The following LYST variants were observed in gnomAD, a reference collection of about 807,000 sequenced individuals.
The protein encoded by LYST is lysosomal trafficking regulator.
In LYST, 192 loss-of-function variants were observed where a neutral mutation model predicts 413.6. The observed-to-expected ratio is 0.46, with a 90% CI of 0.41 to 0.52. LYST has a LOEUF of 0.52. LYST is among the 20% of genes least tolerant of loss of function. The pLI is 0.00. For synonymous variants in LYST, 1,525 were observed against 1,567.3 expected, an observed-to-expected ratio of 0.97 and a Z score of 0.64; for missense variants, 3,815 against 4,499.9, an observed-to-expected ratio of 0.85 and a Z score of 4.35.
Position 235,809,414 on chromosome 1 carries a change from A to G in LYST, c.1404T>C (p.His468=). ...RDGVPPEASE[H]LKALINSVMK... is the part of the protein sequence containing the mutation. The stretch of plus-strand genomic sequence containing the variant: ...TCACACTATTTATTAGGGCTTTCAA[A>G]TGCTCTGAGGCCTCGGGAGGAACTC... Residue 468 remains histidine, a synonymous_variant, in exon 5 of 53, where the codon CAT becomes CAC. Transcript: ENST00000389793. This position sits in a 1 kb window ranked among gnomAD's most constrained non-coding sequence, Gnocchi z 4.0. 6.2e-7 allele frequency: 1 copy of G among 1,614,038 alleles called. No individual in the cohort carries two copies. The highest frequency in any genetic ancestry group is 1.1e-5 in the South Asian group (1 of 91,082).
intron 16 of LYST, among the ~76,000 whole-genome samples, chr1:235,777,709 A>G (rs922856791): frequency 6.6e-6 from 1 of 152,086 alleles, no homozygotes; most frequent in African/African-American, 2.4e-5. Flanking sequence ...TTTGCTTTGC[A>G]TTTGCTCATT....
intron 1 of LYST, among the ~76,000 whole-genome samples, chr1:235,845,430 G>A (rs187733831): frequency 6.6e-6 from 1 of 152,184 alleles, no homozygotes; most frequent in African/African-American, 2.4e-5. Context: ...ACCCCACAGG[G>A]AAAGGAATTC....
chr1:235,802,731 T>C (rs936378009), intron 8 of LYST, among the ~76,000 whole-genome samples, 177 bp downstream of exon 8: 54 of 152,384 alleles, frequency 3.5e-4, no homozygotes, highest in African/African-American at 1.2e-3. Context: ...ACAAACTATA[T>C]CACATTGTTG....
At chr1:235,751,561 C>A (rs1572147595) in intron 27 of LYST, among the ~76,000 whole-genome samples, 199 bp from the exon 28 acceptor site, 1 of 152,076 alleles carries the variant, frequency 6.6e-6, no homozygotes, top group African/African-American at 2.4e-5. Flanking sequence ...CACTAAAAAA[C>A]CTTCAATGGA....
rs774432086 is a variant in LYST, at chr1:235,805,798, C to A, written c.3338G>T (p.Cys1113Phe). The change falls in exon 6 of 53, where the codon TGT (cysteine) becomes TTT (phenylalanine). Residue 1113 changes from cysteine (C) to phenylalanine (F), a missense_variant. Cys to Phe is a radical substitution (Grantham distance 205). Around this residue, in one of 4 missense-constraint regions of LYST, gnomAD observed 1,648 missense variants for 1,810.3 expected, o/e 0.91. Transcript: ENST00000389793. ...IRLLEALLAICLHGARTSQQK... is the reference protein window; with the variant it reads ...IRLLEALLAIFLHGARTSQQK... ...TTGACTAGTTCTGGCACCATGAAGA[C>A]AAATGGCCAGAAGGGCTTCCAAAAG... The A allele has an allele frequency of 6.2e-7, 1 of 1,613,542 alleles. No individual in the cohort carries two copies. The highest frequency in any genetic ancestry group is 8.5e-7 in the Non-Finnish European group (1 of 1,179,814).
At chr1:235,747,356 A>G (rs573579777) in intron 28 of LYST, 4 of 367,562 alleles carry the variant, frequency 1.1e-5, no homozygotes, top group East Asian at 7.5e-5. Context: ...ATGAAAACAT[A>G]TATCAATTTC....
At position 235,854,647 on chromosome 1, in the gene LYST, G is replaced by A. The variant is rs982587800; in HGVS notation, c.-98+12196C>T. On this transcript the variant is annotated intron_variant, in intron 1 of 52. Transcript: ENST00000389793. This position sits in a 1 kb window ranked among gnomAD's most constrained non-coding sequence, Gnocchi z 4.1. Reference sequence around the variant, plus strand: ...TCATAAGAGTAGCTGTAGTTGTTGCGAATATCAACATTAAACGAGATAATT... The same window carrying A: ...TCATAAGAGTAGCTGTAGTTGTTGCAAATATCAACATTAAACGAGATAATT... 3.3e-5 allele frequency among the ~76,000 whole-genome samples: 5 copies of A among 152,070 alleles called. No homozygotes were observed. Among genetic ancestry groups the A allele is most frequent in the Admixed American group, 3.3e-4 (5 of 15,264 alleles).
chr1:235,697,036 C>T (rs993355287), intron 46 of LYST, 47 bp downstream of exon 46: 26 of 1,567,066 alleles, frequency 1.7e-5, no homozygotes, highest in Non-Finnish European at 2.2e-5. Context: ...ATACTCAAAT[C>T]TCACGAAAGA....
At chr1:235,697,051 T>A (rs750720378) in intron 46 of LYST, 32 bp downstream of exon 46, 8 of 1,590,560 alleles carry the variant, frequency 5.0e-6, no homozygotes, top group Middle Eastern at 3.3e-4. Flanking sequence ...GAAAGATATA[T>A]CCAGAATGAT....
Position 235,757,353 on chromosome 1 carries a change from C to G in LYST, c.6987G>C (p.Lys2329Asn). The G allele has an allele frequency of 5.6e-6, 9 of 1,613,382 alleles. No homozygotes were observed. The highest frequency in any genetic ancestry group is 7.6e-6 in the Non-Finnish European group (9 of 1,179,544). ...CCAAAAGTGTATCTGCTTGAATAAG[C>G]TTGTCCATCACATCTTCAAGCAAAA... Reference protein sequence around the residue: ...PDVLLEDVMDKLIQADTLLVL... With the variant: ...PDVLLEDVMDNLIQADTLLVL... Residue 2329 changes from lysine to asparagine, a missense_variant, in exon 24 of 53, where the codon AAG (lysine) becomes AAC (asparagine). Coordinates refer to ENST00000389793, the MANE Select transcript of LYST (RefSeq NM_000081.4).
chr1:235,830,021 C>G (rs1675774877), intron 3 of LYST: 1 of 552,192 alleles, frequency 1.8e-6, no homozygotes, highest in Admixed American at 3.2e-5. Context: ...TTAGGCAATT[C>G]ATAATTCTAA....
intron 14 of LYST, among the ~76,000 whole-genome samples, chr1:235,784,865 A>C (rs1055569162): frequency 3.9e-5 from 6 of 152,244 alleles, no homozygotes; most frequent in Admixed American, 6.5e-5. Context: ...GCAGCTATGA[A>C]GATCGAGAAC....
intron 16 of LYST, 54 bp from the exon 17 acceptor site, chr1:235,777,362 A>G (rs974127973): frequency 6.7e-7 from 1 of 1,490,824 alleles, no homozygotes; most frequent in African/African-American, 1.4e-5. Context: ...AATGCAAGCT[A>G]TGAACTAGCA....
At chr1:235,845,750 C>G (rs1440681594) in intron 1 of LYST, among the ~76,000 whole-genome samples, 1 of 151,998 alleles carries the variant, frequency 6.6e-6, no homozygotes, top group East Asian at 1.9e-4. Context: ...CATGACTCAG[C>G]AGAGGCAGCC....
intron 45 of LYST, among the ~76,000 whole-genome samples, chr1:235,699,872 A>G (rs775387131): frequency 6.6e-6 from 1 of 152,178 alleles, no homozygotes; most frequent in Non-Finnish European, 1.5e-5. Context: ...ACAGTATGAT[A>G]CTGGTACCAA....
chr1:235,744,717 T>C (rs1665738463), intron 29 of LYST, among the ~76,000 whole-genome samples: 1 of 151,790 alleles, frequency 6.6e-6, no homozygotes, highest in Non-Finnish European at 1.5e-5. Context: ...CTGGGCAACA[T>C]GGTGGAACCC....
At chr1:235,784,060 A>C (rs1670153559) in intron 14 of LYST, among the ~76,000 whole-genome samples, 1 of 151,880 alleles carries the variant, frequency 6.6e-6, no homozygotes, top group Non-Finnish European at 1.5e-5. Flanking sequence ...TTTTATTTTT[A>C]GTGGAGACAG....
intron 45 of LYST, among the ~76,000 whole-genome samples, chr1:235,698,485 G>C (rs558027848): frequency 7.9e-5 from 12 of 152,280 alleles, no homozygotes; most frequent in African/African-American, 2.9e-4. Context: ...GAACAGAGAC[G>C]TTAGGGTCAG....
chr1:235,786,760 G>T (rs1670457295), intron 14 of LYST, among the ~76,000 whole-genome samples: 1 of 152,022 alleles, frequency 6.6e-6, no homozygotes, highest in South Asian at 2.1e-4. Context: ...GGACACGGAT[G>T]AAGCTGGAAA....
Sources: gnomAD v4.1 joint callset for allele counts (sites outside exome capture counted in the v4.1 genomes callset) on GRCh38, gnomAD v4.1.1 for gene constraint, gnomAD v4.1.1 regional missense constraint, Gnocchi (gnomAD v3.1) non-coding constraint, MANE v1.5 for transcripts, NCBI Gene and HGNC (gene_info 2026-07-23, HGNC 2026-07-21) for gene names.